SLCO5A1: variants seen among roughly 807,000 people sequenced by gnomAD.
The protein encoded by SLCO5A1 is organic anion transporter polypeptide-related protein 4.
A neutral mutation model predicts 65.1 loss-of-function variants in SLCO5A1; 39 were observed. That is an observed-to-expected ratio of 0.60 (90% CI 0.46 to 0.78). SLCO5A1 has a LOEUF of 0.78. SLCO5A1 is among the 30% of genes least tolerant of loss of function. The pLI, the probability that SLCO5A1 is intolerant of heterozygous loss-of-function variation, is 0.00. For missense variants in SLCO5A1, 1,029 were observed against 1,069.4 expected (o/e 0.96, Z 0.53); for synonymous variants, 438 against 415.7 (o/e 1.05, Z -0.65).
In SLCO5A1 at chr8:69,668,101, T is replaced by TTTG. The variant is rs147873854; in HGVS notation, c.*4765_*4767dup. On this transcript the variant is annotated 3_prime_UTR_variant, in exon 10 of 10. Coordinates refer to ENST00000260126, the MANE Select transcript of SLCO5A1 (RefSeq NM_030958.3). Reference sequence around the variant, plus strand: ...AGGGAGGGTTTTTTGTTTTCTGTTTTTTGTTGTTGTTGTTGTATTTGACCC... The same window carrying TTTG: ...AGGGAGGGTTTTTTGTTTTCTGTTTTTTGTTGTTGTTGTTGTTGTATTTGACCC... 1,621 of 152,254 alleles carry TTTG rather than the reference T, an allele frequency of 0.011. 24 individuals carry two copies. Among genetic ancestry groups the TTTG allele is most frequent in the South Asian group, 0.042 (203 of 4,820 alleles). 9.4% of individuals were successfully genotyped at this position (152,254 alleles called of 1,614,324 possible). A position where few individuals can be genotyped will look rare whatever the true frequency, so the allele number is the denominator to read the frequency against.
At chr8:69,743,819 C>T (rs1419364070) in intron 4 of SLCO5A1, among the ~76,000 whole-genome samples, 4 of 152,100 alleles carry the variant, frequency 2.6e-5, no homozygotes, top group African/African-American at 9.7e-5. Flanking sequence ...CCTAAGGCAC[C>T]CTATGTGAGC....
At chr8:69,756,425 T>C (rs904998175) in intron 3 of SLCO5A1, among the ~76,000 whole-genome samples, 4 of 152,006 alleles carry the variant, frequency 2.6e-5, no homozygotes, top group African/African-American at 9.7e-5. Flanking sequence ...AAAAAGAGAA[T>C]GTATTGCCTC....
chr8:69,829,533 C>T (rs1395561661), intron 2 of SLCO5A1, among the ~76,000 whole-genome samples: 1 of 152,130 alleles, frequency 6.6e-6, no homozygotes, highest in Admixed American at 6.5e-5. Context: ...AAAAAATTAG[C>T]TGGGCACGGT....
At chr8:69,818,592 C>T (rs1192871424) in intron 2 of SLCO5A1, among the ~76,000 whole-genome samples, 4 of 152,210 alleles carry the variant, frequency 2.6e-5, no homozygotes, top group Non-Finnish European at 1.5e-5. Flanking sequence ...AGGCTGATCT[C>T]TGTTATTTGT....
At chr8:69,687,705 C>A (rs1238623937) in intron 6 of SLCO5A1, among the ~76,000 whole-genome samples, 1 of 152,012 alleles carries the variant, frequency 6.6e-6, no homozygotes. Context: ...TTGTTCTGGT[C>A]TTTTCTCAAT....
chr8:69,704,948 G>A (rs1814902308), intron 6 of SLCO5A1, 83 bp downstream of exon 6: 2 of 1,293,506 alleles, frequency 1.5e-6, no homozygotes, highest in Non-Finnish European at 2.2e-6. Flanking sequence ...GGAGGGGTAT[G>A]AGGCTGACTG....
At chr8:69,813,879 TA>T (rs1820308151) in intron 2 of SLCO5A1, among the ~76,000 whole-genome samples, 1 of 152,218 alleles carries the variant, frequency 6.6e-6, no homozygotes, top group African/African-American at 2.4e-5. Flanking sequence ...CCCCTCTTTG[TA>T]ACGCCAGTGG....
At chr8:69,788,574 A>C (rs566106713) in intron 2 of SLCO5A1, among the ~76,000 whole-genome samples, 1 of 152,262 alleles carries the variant, frequency 6.6e-6, no homozygotes, top group East Asian at 1.9e-4. Context: ...TTACTCTAAG[A>C]ATTACTAACA....
chr8:69,763,653 G>A (rs932627940), intron 2 of SLCO5A1, among the ~76,000 whole-genome samples: 1 of 112,048 alleles, frequency 8.9e-6, no homozygotes, highest in Non-Finnish European at 1.9e-5. Flanking sequence ...AAAAAAAAAG[G>A]GTGTATAGCA....
chr8:69,772,647 AG>A, intron 2 of SLCO5A1, among the ~76,000 whole-genome samples: 1 of 151,016 alleles, frequency 6.6e-6, no homozygotes, highest in Non-Finnish European at 1.5e-5. Flanking sequence ...AGGAAAGGAA[AG>A]GAAAGGAAAA....
In SLCO5A1 at chr8:69,755,634, C is replaced by T; in HGVS notation, c.1048G>A (p.Gly350Arg). ...ATTGCAATGGCACAAAGGAGGAATC[C>T]ACTCCACCTAAAAAATTGGAAAATG... is the stretch of plus-strand genomic sequence containing the variant. ...DPRFIGNWWSGFLLCAIAMFL... is the reference protein window; with the variant it reads ...DPRFIGNWWSRFLLCAIAMFL... Residue 350 changes from glycine (G) to arginine (R), a missense_variant, in exon 4 of 10, where the codon GGA becomes AGA. By Grantham distance (125) the Gly-to-Arg change is moderately radical. This residue lies in a region of SLCO5A1 where 647 missense variants were observed against 647.5 expected (regional missense o/e 1.00). Coordinates refer to ENST00000260126, the MANE Select transcript of SLCO5A1 (RefSeq NM_030958.3). 1 of 1,607,984 alleles carries T rather than the reference C, an allele frequency of 6.2e-7. No homozygotes were observed. Among genetic ancestry groups the T allele is most frequent in the Non-Finnish European group, 8.5e-7 (1 of 1,177,664 alleles).
At chr8:69,819,437 A>T (rs1455050958) in intron 2 of SLCO5A1, among the ~76,000 whole-genome samples, 1 of 152,040 alleles carries the variant, frequency 6.6e-6, no homozygotes, top group East Asian at 1.9e-4. Context: ...TTTTATTAGA[A>T]AGTCCACTTG....
At chr8:69,674,977 T>C (rs1316300719) in intron 9 of SLCO5A1, among the ~76,000 whole-genome samples, 3 of 151,100 alleles carry the variant, frequency 2.0e-5, no homozygotes, top group African/African-American at 4.9e-5. Context: ...GAGGCAGAGG[T>C]TGCAGAGAAC....
At chr8:69,720,378 G>T (rs1815765356) in intron 5 of SLCO5A1, among the ~76,000 whole-genome samples, 1 of 152,206 alleles carries the variant, frequency 6.6e-6, no homozygotes. Flanking sequence ...TATTATACTA[G>T]GAAGTCTTCA....
At chr8:69,769,193 C>A (rs1484491374) in intron 2 of SLCO5A1, among the ~76,000 whole-genome samples, 2 of 152,242 alleles carry the variant, frequency 1.3e-5, no homozygotes, top group African/African-American at 2.4e-5. Flanking sequence ...CTGACCCACA[C>A]AGGCCACAGG....
chr8:69,830,728 C>T (rs1821118212), intron 2 of SLCO5A1, among the ~76,000 whole-genome samples: 1 of 152,170 alleles, frequency 6.6e-6, no homozygotes, highest in Non-Finnish European at 1.5e-5. Flanking sequence ...TGCCTGGCCT[C>T]AGATGAGCCC....
intron 5 of SLCO5A1, among the ~76,000 whole-genome samples, chr8:69,729,943 A>G (rs1161297673): frequency 6.6e-6 from 1 of 152,242 alleles, no homozygotes; most frequent in African/African-American, 2.4e-5. Flanking sequence ...TTTTAAAATC[A>G]GAAAACCTAA....
intron 2 of SLCO5A1, among the ~76,000 whole-genome samples, chr8:69,777,333 T>G (rs188457947): frequency 1.2e-4 from 19 of 152,184 alleles, no homozygotes; most frequent in Admixed American, 1.2e-3. Context: ...ATTTATGAAA[T>G]TCTAGAAAAC....
rs71517257 is a variant in SLCO5A1 at position 69,808,665 on chromosome 8, T to G, written c.907+23102A>C. Reference sequence around the variant, plus strand: ...TGTCTTTATAATAGAACAATTCATATTCTTTTGAGTTTATACCCAGTAATG... The same window carrying G: ...TGTCTTTATAATAGAACAATTCATAGTCTTTTGAGTTTATACCCAGTAATG... On this transcript the variant is annotated intron_variant, in intron 2 of 9. Coordinates refer to ENST00000260126, the MANE Select transcript of SLCO5A1 (RefSeq NM_030958.3). Among the ~76,000 whole-genome samples the G allele has an allele frequency of 9.5e-3, 1,443 of 152,336 alleles. 25 individuals carry two copies. The highest frequency in any genetic ancestry group is 0.02 in the Middle Eastern group (6 of 294).
Sources: gnomAD v4.1 joint callset for allele counts (sites outside exome capture counted in the v4.1 genomes callset) on GRCh38, gnomAD v4.1.1 for gene constraint, gnomAD v4.1.1 regional missense constraint, MANE v1.5 for transcripts, NCBI Gene and HGNC (gene_info 2026-07-23, HGNC 2026-07-21) for gene names.